KCNIP4: variants seen among roughly 807,000 people sequenced by gnomAD.
KCNIP4 encodes Kv channel-interacting protein 4.
In KCNIP4, 12 loss-of-function variants were observed where a neutral mutation model predicts 34.0. The observed-to-expected ratio is 0.35, with a 90% CI of 0.23 to 0.57. The LOEUF (loss-of-function observed/expected upper bound fraction) is 0.57, where lower values mean the gene tolerates loss of function less well. Ranked by LOEUF, KCNIP4 falls within the 20% of genes least tolerant of loss-of-function variation. The pLI is 0.83. For missense variants in KCNIP4, 238 were observed against 311.7 expected (o/e 0.76, Z 1.78); for synonymous variants, 124 against 102.2 (o/e 1.21, Z -1.29).
chr4:21,756,911 TGA>T (rs1376070635), intron 1 of KCNIP4, among the ~76,000 whole-genome samples: 1 of 151,624 alleles, frequency 6.6e-6, no homozygotes, highest in Non-Finnish European at 1.5e-5. Context: ...AGCCTGGCCA[TGA>T]TGTGAAATCC....
chr4:21,260,587 T>C (rs2109103489), intron 1 of KCNIP4, among the ~76,000 whole-genome samples: 1 of 152,330 alleles, frequency 6.6e-6, no homozygotes, highest in East Asian at 1.9e-4. Flanking sequence ...CTTTTCTTAA[T>C]GCCTTCAATT....
chr4:20,983,881 A>G, intron 1 of KCNIP4: 1 of 1,536,166 alleles, frequency 6.5e-7, no homozygotes. Context: ...TCACAACAAT[A>G]CCCACTGTTT....
chr4:21,296,470 T>C (rs775989418), intron 1 of KCNIP4, among the ~76,000 whole-genome samples: 24 of 151,596 alleles, frequency 1.6e-4, no homozygotes, highest in Non-Finnish European at 3.4e-4. Flanking sequence ...AAATAACTTA[T>C]TATAATCTTA....
At chr4:21,045,269 A>G (rs1471706820) in intron 1 of KCNIP4, among the ~76,000 whole-genome samples, 1 of 152,160 alleles carries the variant, frequency 6.6e-6, no homozygotes, top group African/African-American at 2.4e-5. Flanking sequence ...AAACCAAACA[A>G]TCCTCTGGGG....
At chr4:20,767,871 T>C (rs1462853020) in intron 3 of KCNIP4, among the ~76,000 whole-genome samples, 1 of 152,246 alleles carries the variant, frequency 6.6e-6, no homozygotes, top group African/African-American at 2.4e-5. Flanking sequence ...TTGGGGATCC[T>C]TTCATGATAC....
intron 1 of KCNIP4, among the ~76,000 whole-genome samples, chr4:20,947,862 C>G (rs1033630383): frequency 6.6e-6 from 1 of 152,166 alleles, no homozygotes; most frequent in African/African-American, 2.4e-5. Context: ...GCATGTGACC[C>G]TAAGAGGACC....
chr4:21,402,860 A>C (rs1042457510), intron 1 of KCNIP4, among the ~76,000 whole-genome samples: 1 of 152,066 alleles, frequency 6.6e-6, no homozygotes, highest in African/African-American at 2.4e-5. Flanking sequence ...TCTATAATAC[A>C]TCCTATTTTT....
At chr4:21,300,603 T>A (rs1711561150) in intron 1 of KCNIP4, among the ~76,000 whole-genome samples, 2 of 152,086 alleles carry the variant, frequency 1.3e-5, no homozygotes, top group African/African-American at 4.8e-5. Context: ...CGAGAAACGG[T>A]ATCATGAGGA....
chr4:21,621,856 T>A (rs1361310502), intron 1 of KCNIP4, among the ~76,000 whole-genome samples: 1 of 152,170 alleles, frequency 6.6e-6, no homozygotes, highest in Non-Finnish European at 1.5e-5. Flanking sequence ...TTGGAGCCAG[T>A]GCCTTTATCT....
intron 6 of KCNIP4, 25 bp downstream of exon 6, chr4:20,734,603 G>A: frequency 1.0e-6 from 1 of 999,574 alleles, no homozygotes; most frequent in Non-Finnish European, 1.5e-6. Context: ...CCAAATTACT[G>A]TGATGTTGGT....
At chr4:20,877,420 G>C (rs1383185097) in intron 2 of KCNIP4, among the ~76,000 whole-genome samples, 1 of 151,786 alleles carries the variant, frequency 6.6e-6, no homozygotes, top group Non-Finnish European at 1.5e-5. Context: ...TTTCCTTCCT[G>C]GACCCTGACT....
intron 3 of KCNIP4, among the ~76,000 whole-genome samples, chr4:20,762,596 C>T (rs1401590504): frequency 6.6e-6 from 1 of 152,204 alleles, no homozygotes; most frequent in Non-Finnish European, 1.5e-5. Context: ...CTCTACTTCT[C>T]TATCAAGAAT....
chr4:21,265,923 G>C (rs1761777379), intron 1 of KCNIP4, among the ~76,000 whole-genome samples: 1 of 152,248 alleles, frequency 6.6e-6, no homozygotes, highest in Non-Finnish European at 1.5e-5. Flanking sequence ...AATTAATTCA[G>C]TAAGACCATA....
chr4:21,429,202 C>T (rs1726208061), intron 1 of KCNIP4, among the ~76,000 whole-genome samples: 1 of 152,166 alleles, frequency 6.6e-6, no homozygotes, highest in African/African-American at 2.4e-5. Flanking sequence ...TTTGACCTTT[C>T]AAGAATGTCA....
At chr4:21,832,839 T>G (rs1723079419) in intron 1 of KCNIP4, among the ~76,000 whole-genome samples, 3 of 149,140 alleles carry the variant, frequency 2.0e-5, no homozygotes, top group East Asian at 2.0e-4. Context: ...GAATATGCGG[T>G]GTTTGGTTTT....
chr4:21,933,308 C>A (rs1369976505), intron 1 of KCNIP4, among the ~76,000 whole-genome samples: 11 of 152,006 alleles, frequency 7.2e-5, no homozygotes, highest in Admixed American at 7.2e-4. Flanking sequence ...AAAACTCAGA[C>A]TCTTAGCCAT....
Position 21,762,883 on chromosome 4 carries a change from G to A in KCNIP4, c.61+185688C>T, listed in dbSNP as rs895770317. The A allele has an allele frequency of 1.2e-5, 15 of 1,238,276 alleles. No homozygotes were observed. The African/African-American group carries it at 1.5e-4, about 13-fold the overall frequency. The allele number at this position is 1,238,276 out of a possible 1,614,324, so 76.7% of individuals were successfully genotyped here. On this transcript the variant is annotated intron_variant, in intron 1 of 8. Transcript: ENST00000382152. The stretch of plus-strand genomic sequence containing the variant: ...AAGGAGAATCCCAGAAGATTGGGAG[G>A]GGGGTGTAGGTGGATGGAATTGGAG...
chr4:20,850,405 T>A, intron 3 of KCNIP4, 138 bp downstream of exon 3: 1 of 894,916 alleles, frequency 1.1e-6, no homozygotes, highest in Non-Finnish European at 1.7e-6. Context: ...CTGATTATAT[T>A]CCTATCTGGG....
intron 5 of KCNIP4, among the ~76,000 whole-genome samples, chr4:20,741,914 A>G (rs983141208): frequency 9.9e-5 from 15 of 152,210 alleles, no homozygotes; most frequent in African/African-American, 3.6e-4. Flanking sequence ...CAGAAATACA[A>G]ACTACCATCA....
Sources: gnomAD v4.1 joint callset for allele counts (sites outside exome capture counted in the v4.1 genomes callset) on GRCh38, gnomAD v4.1.1 for gene constraint, MANE v1.5 for transcripts, NCBI Gene and HGNC (gene_info 2026-07-23, HGNC 2026-07-21) for gene names.